Variants in DGKI observed in about 807,000 individuals in gnomAD.
The protein encoded by DGKI is diacylglycerol kinase iota, also known as DAG kinase iota.
A neutral mutation model predicts 147.5 loss-of-function variants in DGKI; 55 were observed. That is an observed-to-expected ratio of 0.37 (90% confidence interval 0.30 to 0.47). The LOEUF (loss-of-function observed/expected upper bound fraction) is 0.47. Ranked by LOEUF, DGKI falls within the 20% of genes least tolerant of loss-of-function variation. The pLI is 1.00. For synonymous variants in DGKI, 469 were observed against 477.1 expected (o/e 0.98, Z 0.22); for missense variants, 1,007 against 1,323.8 (o/e 0.76, Z 3.71).
chr7:137,505,506 C>A (rs374424910), intron 21 of DGKI, among the ~76,000 whole-genome samples: 4 of 152,120 alleles, frequency 2.6e-5, no homozygotes, highest in African/African-American at 9.6e-5. Flanking sequence ...AGGGGGAAAG[C>A]TTAGTAAATA....
At chr7:137,832,514 G>A (rs757900441) in intron 1 of DGKI, among the ~76,000 whole-genome samples, 10 of 152,244 alleles carry the variant, frequency 6.6e-5, no homozygotes, top group Non-Finnish European at 1.2e-4. Flanking sequence ...AGCTCTGGCT[G>A]GAGTGGCTGG....
Position 137,474,305 on chromosome 7 carries a change from G to A in DGKI, c.2374-4686C>T, listed in dbSNP as rs184801387. On this transcript the variant is annotated intron_variant, in intron 23 of 32. Coordinates refer to ENST00000614521, the MANE Select transcript of DGKI (RefSeq NM_001321708.2). ...AGATGAAAATGCTTCACCTACATCGGGACACTAAAAATTGGAGATTTTTTT... is the reference window on the plus strand; with the variant it reads ...AGATGAAAATGCTTCACCTACATCGAGACACTAAAAATTGGAGATTTTTTT... 2.2e-4 allele frequency among the ~76,000 whole-genome samples: 34 copies of A among 152,034 alleles called. 1 individual carries two copies. The highest frequency in any genetic ancestry group is 2.1e-3 in the Admixed American group (32 of 15,272).
At chr7:137,555,885 T>C (rs1818208427) in intron 19 of DGKI, among the ~76,000 whole-genome samples, 1 of 152,114 alleles carries the variant, frequency 6.6e-6, no homozygotes, top group Non-Finnish European at 1.5e-5. Flanking sequence ...GCTATAGCTT[T>C]TAAGGTAACA....
chr7:137,822,942 A>G (rs1486941900), intron 1 of DGKI, among the ~76,000 whole-genome samples: 1 of 151,970 alleles, frequency 6.6e-6, no homozygotes, highest in Non-Finnish European at 1.5e-5. Context: ...GTAAAGGAGA[A>G]CTTTAATAGA....
In DGKI at chr7:137,390,182, GT is replaced by G. The variant is rs374931777; in HGVS notation, c.*1037del. On this transcript the variant is annotated 3_prime_UTR_variant, in exon 33 of 33. Transcript: ENST00000614521. ...ATATGTTGCTACTTTTGCTTTTGCT[GT>G]TTTTTTTTTCCAAGTCAATTAGGGT... 2.5e-3 allele frequency: 375 copies of G among 149,022 alleles called. No individual in the cohort carries two copies. The highest frequency in any genetic ancestry group is 3.6e-3 in the African/African-American group (145 of 40,694). The allele number at this position is 149,022 out of a possible 1,614,324, so 9.2% of individuals were successfully genotyped here.
intron 1 of DGKI, among the ~76,000 whole-genome samples, chr7:137,816,953 AC>A (rs990798740): frequency 3.3e-5 from 5 of 152,154 alleles, no homozygotes; most frequent in Non-Finnish European, 5.9e-5. Flanking sequence ...CTGACCTCTA[AC>A]CACTAGATGC....
chr7:137,623,635 G>A (rs897428053), intron 6 of DGKI, 81 bp from the exon 7 acceptor site: 40 of 1,252,234 alleles, frequency 3.2e-5, no homozygotes, highest in Non-Finnish European at 4.6e-5. Flanking sequence ...GTGCAATGAC[G>A]TGAATAAGGC....
chr7:137,473,930 G>A (rs1815076640), intron 23 of DGKI, among the ~76,000 whole-genome samples: 1 of 152,164 alleles, frequency 6.6e-6, no homozygotes, highest in African/African-American at 2.4e-5. Context: ...CTTTCCTGGT[G>A]ACCTGACAAT....
chr7:137,719,591 G>T (rs369147644), intron 1 of DGKI, among the ~76,000 whole-genome samples: 2 of 152,090 alleles, frequency 1.3e-5, no homozygotes, highest in Non-Finnish European at 2.9e-5. Flanking sequence ...GCACCACGCT[G>T]CCCAAACTTT....
chr7:137,419,715 A>G (rs1028518739), intron 28 of DGKI, among the ~76,000 whole-genome samples: 5 of 152,224 alleles, frequency 3.3e-5, no homozygotes, highest in Non-Finnish European at 7.3e-5. Flanking sequence ...GTCCAAGATG[A>G]GGTGAGAAAA....
intron 1 of DGKI, among the ~76,000 whole-genome samples, chr7:137,843,924 CAA>C (rs1184047254): frequency 6.6e-6 from 1 of 152,128 alleles, no homozygotes; most frequent in Non-Finnish European, 1.5e-5. Flanking sequence ...CCCCCTCACG[CAA>C]GCAGCCATGC....
At chr7:137,509,897 G>T (rs1378872678) in intron 21 of DGKI, among the ~76,000 whole-genome samples, 1 of 151,982 alleles carries the variant, frequency 6.6e-6, no homozygotes, top group East Asian at 1.9e-4. Flanking sequence ...CAAATCTTTG[G>T]CATTCATGAC....
In DGKI at chr7:137,578,292, C is replaced by A. The variant is rs1819058271; in HGVS notation, c.1676G>T (p.Arg559Leu). 1 of 1,612,892 alleles carries A rather than the reference C, an allele frequency of 6.2e-7. No individual in the cohort carries two copies. Among genetic ancestry groups the A allele is most frequent in the Non-Finnish European group, 8.5e-7 (1 of 1,179,140 alleles). The change falls in exon 16 of 33, where the codon CGA (arginine) becomes CTA (leucine). Residue 559 changes from arginine to leucine, a missense_variant. Arg to Leu is a moderately radical substitution (Grantham distance 102, BLOSUM62 -2). Transcript: ENST00000614521. ...TACCCCTGCATAGAACATTTTATTT[C>A]GAAAACGACTGTTGAATTTCTCTGG... ...ANPEKFNSRF[R>L]NKMFYAGAAF...
chr7:137,523,407 C>G (rs1817031255), intron 20 of DGKI, among the ~76,000 whole-genome samples: 1 of 151,850 alleles, frequency 6.6e-6, no homozygotes, highest in Non-Finnish European at 1.5e-5. Flanking sequence ...TATGTGCACA[C>G]TCACACATGG....
chr7:137,620,011 G>C, intron 7 of DGKI, 71 bp from the exon 8 acceptor site: 8 of 642,082 alleles, frequency 1.2e-5, no homozygotes, highest in East Asian at 3.5e-5. Context: ...GGATAAATAT[G>C]TACACACGCA....
At chr7:137,607,463 A>G (rs1276542186) in intron 10 of DGKI, among the ~76,000 whole-genome samples, 2 of 152,220 alleles carry the variant, frequency 1.3e-5, no homozygotes, top group African/African-American at 2.4e-5. Flanking sequence ...AGACTGGAAT[A>G]GGAACAGGCT....
At chr7:137,618,145 A>ATTTTTTT (rs1554442494) in intron 8 of DGKI, among the ~76,000 whole-genome samples, 1 of 12,234 alleles carries the variant, frequency 8.2e-5, no homozygotes, top group African/African-American at 2.4e-4. Context: ...ATATATATAT[A>ATTTTTTT]TATATATTTT....
intron 1 of DGKI, among the ~76,000 whole-genome samples, chr7:137,696,431 CTTTTTTTTTTTTTTTTTTTTT>C (rs10609322): frequency 1.1e-4 from 4 of 36,682 alleles, no homozygotes; most frequent in African/African-American, 4.5e-4. Flanking sequence ...GCCCAAAAGA[CTTTTTTTTTTTTTTTTTTTTT>C]TTTTTTTTTT....
At position 137,465,948 on chromosome 7, in the gene DGKI, G is replaced by T. The variant is rs199913966; in HGVS notation, c.2572C>A (p.Pro858Thr). 2.1e-4 allele frequency: 341 copies of T among 1,614,052 alleles called. No homozygotes were observed. Among genetic ancestry groups the T allele is most frequent in the Non-Finnish European group, 2.7e-4 (324 of 1,180,012 alleles). ...ACCACCAGGTCAGGCATGCCCGGAG[G>T]TGTCCCCGCCGGCTGTGACACCACC... The part of the protein sequence containing the change: ...DMVVSQPAGT[P>T]PGMPDLVVEQ... Residue 858 changes from proline to threonine, a missense_variant, in exon 26 of 33, where the codon CCT (proline) becomes ACT (threonine). Physicochemically the swap from Pro to Thr is conservative, Grantham distance 38. Around this residue, in one of 5 missense-constraint regions of DGKI, gnomAD observed 385 missense variants for 445.2 expected, o/e 0.86. Transcript: ENST00000614521.
Sources: gnomAD v4.1 joint callset for allele counts (sites outside exome capture counted in the v4.1 genomes callset) on GRCh38, gnomAD v4.1.1 for gene constraint, gnomAD v4.1.1 regional missense constraint, MANE v1.5 for transcripts, NCBI Gene and HGNC (gene_info 2026-07-23, HGNC 2026-07-21) for gene names.